Variants in TVP23C observed in about 807,000 individuals in gnomAD.
The protein encoded by TVP23C is trans-golgi network vesicle protein 23 homolog C.
In TVP23C, 19 loss-of-function variants were observed where a neutral mutation model predicts 28.7. The observed-to-expected ratio is 0.66, with a 90% CI of 0.46 to 0.97. TVP23C has a LOEUF of 0.97. Ranked by LOEUF, TVP23C falls within the 50% of genes least tolerant of loss-of-function variation. TVP23C has a pLI of 0.00. For synonymous variants in TVP23C, 68 were observed against 81.7 expected (o/e 0.83, Z 0.90); for missense variants, 186 against 241.3 (o/e 0.77, Z 1.52).
At chr17:15,520,305 G>T (rs1982419098) in intron 5 of TVP23C, among the ~76,000 whole-genome samples, 2 of 149,194 alleles carry the variant, frequency 1.3e-5, no homozygotes, top group Non-Finnish European at 3.0e-5. Context: ...CTTCCCTACT[G>T]CCAGTTAAAC....
chr17:15,552,045 T>C (rs144829425), intron 3 of TVP23C, among the ~76,000 whole-genome samples: 111 of 152,324 alleles, frequency 7.3e-4, no homozygotes, highest in African/African-American at 2.4e-3. Context: ...AAATAAACCT[T>C]ATCAGAAAAT....
At chr17:15,512,829 G>A (rs550060382) in intron 5 of TVP23C, among the ~76,000 whole-genome samples, 1 of 152,252 alleles carries the variant, frequency 6.6e-6, no homozygotes, top group Non-Finnish European at 1.5e-5. Flanking sequence ...AAAGAAAGAT[G>A]GCTGATTAAG....
At chr17:15,504,583 G>C (rs1334439218) in intron 5 of TVP23C, among the ~76,000 whole-genome samples, 1 of 151,990 alleles carries the variant, frequency 6.6e-6, no homozygotes, top group African/African-American at 2.4e-5. Context: ...TTTTTTAAGA[G>C]ACAGGGTCTC....
intron 5 of TVP23C, among the ~76,000 whole-genome samples, chr17:15,540,813 C>T (rs899126614): frequency 6.6e-6 from 1 of 152,270 alleles, no homozygotes; most frequent in Non-Finnish European, 1.5e-5. Context: ...GTGCCAGGCA[C>T]CATGCTAGCT....
chr17:15,530,119 A>T (rs993858738), intron 5 of TVP23C, among the ~76,000 whole-genome samples: 1 of 152,090 alleles, frequency 6.6e-6, no homozygotes, highest in Non-Finnish European at 1.5e-5. Context: ...CTTTTGACTG[A>T]ATTATTTAAC....
chr17:15,560,388 A>G (rs2150864402), intron 1 of TVP23C, among the ~76,000 whole-genome samples: 1 of 149,410 alleles, frequency 6.7e-6, no homozygotes, highest in South Asian at 2.2e-4. Context: ...TTAACAGGTC[A>G]TCGGGGAACT....
intron 5 of TVP23C, among the ~76,000 whole-genome samples, chr17:15,506,508 C>A (rs1981752272): frequency 1.3e-5 from 2 of 152,164 alleles, no homozygotes; most frequent in South Asian, 4.1e-4. Context: ...GTGGGTGGGG[C>A]CAAATAAGAG....
downstream of TVP23C, among the ~76,000 whole-genome samples, chr17:15,532,189 C>G (rs1051063110): frequency 2.6e-5 from 4 of 152,164 alleles, no homozygotes; most frequent in Non-Finnish European, 5.9e-5. Context: ...TCTGGCCAGT[C>G]TCATTTGTCC....
At chr17:15,509,409 T>C (rs1477873472) in intron 5 of TVP23C, among the ~76,000 whole-genome samples, 15 of 152,338 alleles carry the variant, frequency 9.8e-5, no homozygotes, top group Middle Eastern at 3.4e-3. Context: ...GGAAATACTT[T>C]AGAAAGTTGA....
At chr17:15,504,706 A>T (rs1407902457) in intron 5 of TVP23C, among the ~76,000 whole-genome samples, 1 of 152,016 alleles carries the variant, frequency 6.6e-6, no homozygotes, top group Non-Finnish European at 1.5e-5. Flanking sequence ...GCACATTTTT[A>T]AAATTTTTTT....
intron 5 of TVP23C, among the ~76,000 whole-genome samples, chr17:15,530,065 C>T: frequency 6.6e-6 from 1 of 152,184 alleles, no homozygotes; most frequent in East Asian, 1.9e-4. Context: ...TCCCAAAGTG[C>T]TGGGATTACA....
rs951188511 is a variant in TVP23C, at chr17:15,503,308, G to A, written c.463-76C>T. ...TGGTTCCAGCTACTTGACAGGCCGA[G>A]ATGGGAGGATCGCTTCAGCCCAGGA... On this transcript the variant is annotated intron_variant, in intron 5 of 5. Coordinates refer to the TVP23C transcript ENST00000225576. 2.3e-5 allele frequency: 33 copies of A among 1,429,494 alleles called. 2 individuals carry two copies. The highest frequency in any genetic ancestry group is 3.7e-6 in the Non-Finnish European group (4 of 1,094,046). 88.6% of individuals were successfully genotyped at this position (1,429,494 alleles called of 1,614,324 possible). A position where few individuals can be genotyped will look rare whatever the true frequency, so the allele number is the denominator to read the frequency against.
At chr17:15,503,454 G>A in intron 5 of TVP23C, 3 of 489,248 alleles carry the variant, frequency 6.1e-6, no homozygotes, top group Non-Finnish European at 1.1e-5. Context: ...GAACGCCTCA[G>A]TGCTTAGACA....
At chr17:15,560,390 C>T (rs1226468111) in intron 1 of TVP23C, among the ~76,000 whole-genome samples, 1 of 148,796 alleles carries the variant, frequency 6.7e-6, no homozygotes, top group Non-Finnish European at 1.5e-5. Context: ...AACAGGTCAT[C>T]GGGGAACTCA....
chr17:15,543,625 C>T, intron 5 of TVP23C, among the ~76,000 whole-genome samples: 1 of 151,058 alleles, frequency 6.6e-6, no homozygotes, highest in Non-Finnish European at 1.5e-5. Context: ...AGTTACTGTT[C>T]TCTCCTCTGC....
intron 5 of TVP23C, among the ~76,000 whole-genome samples, chr17:15,525,889 T>C (rs1250550690): frequency 5.3e-5 from 8 of 152,240 alleles, no homozygotes; most frequent in Non-Finnish European, 1.2e-4. Context: ...CTACATTCTC[T>C]AACCCTCAGT....
rs576115322 is a variant in TVP23C, at chr17:15,510,676, T to G, written c.463-7444A>C. 7.2e-5 allele frequency among the ~76,000 whole-genome samples: 11 copies of G among 152,334 alleles called. No homozygotes were observed. In the South Asian group the frequency reaches 2.1e-3, roughly 29 times the overall value. ...ATAATAATAACTACCATTTACCAAG[T>G]TCTAGCAACATGTCAGTGCTTTTAT... On this transcript the variant is annotated intron_variant, in intron 5 of 5. Transcript: ENST00000225576.
chr17:15,552,333 T>C (rs1460955357), intron 3 of TVP23C, among the ~76,000 whole-genome samples: 2 of 152,210 alleles, frequency 1.3e-5, no homozygotes, highest in Non-Finnish European at 2.9e-5. Context: ...TTCTCAGCAT[T>C]ATGCGGCCTA....
At chr17:15,507,272 T>C (rs1981795532) in intron 5 of TVP23C, 1 of 746,560 alleles carries the variant, frequency 1.3e-6, no homozygotes, top group Non-Finnish European at 2.5e-6. Flanking sequence ...GCATGAATAT[T>C]GTGAAGCCCA....
Sources: allele counts gnomAD v4.1 joint callset (sites outside exome capture counted in the v4.1 genomes callset), GRCh38; gene constraint gnomAD v4.1.1; transcripts MANE v1.5; gene names NCBI Gene and HGNC (gene_info 2026-07-23, HGNC 2026-07-21).